SCMH1: variants seen among roughly 807,000 people sequenced by gnomAD.
SCMH1 encodes Scm polycomb group protein homolog 1.
In SCMH1, 37 loss-of-function variants were observed where a neutral mutation model predicts 70.8. The observed-to-expected ratio is 0.52, with a 90% CI of 0.40 to 0.69. The LOEUF (loss-of-function observed/expected upper bound fraction) is 0.69, where lower values mean the gene tolerates loss of function less well. Ranked by LOEUF, SCMH1 falls within the 30% of genes least tolerant of loss-of-function variation. The pLI is 0.00. For synonymous variants in SCMH1, 292 were observed against 307.4 expected (o/e 0.95, Z 0.52); for missense variants, 607 against 827.3 (o/e 0.73, Z 3.27).
exon 11 of SCMH1, chr1:41,048,745 G>T: frequency 1.2e-6 from 2 of 1,614,148 alleles, no homozygotes; most frequent in Non-Finnish European, 1.7e-6. Flanking sequence ...CGGTTTTCTG[G>T]TGATAAGCAC....
chr1:41,238,906 A>T (rs1430438393), intron 1 of SCMH1, among the ~76,000 whole-genome samples: 1 of 152,210 alleles, frequency 6.6e-6, no homozygotes, highest in Non-Finnish European at 1.5e-5. Context: ...TGTCTCAGTT[A>T]AAATTACCAA....
At chr1:41,089,579 C>T (rs1018476803) in intron 8 of SCMH1, among the ~76,000 whole-genome samples, 5 of 152,112 alleles carry the variant, frequency 3.3e-5, no homozygotes, top group African/African-American at 1.2e-4. Context: ...CTAATTTGAA[C>T]ACAGCTACCA....
At chr1:41,167,983 G>A (rs946950221) in intron 2 of SCMH1, among the ~76,000 whole-genome samples, 2 of 139,364 alleles carry the variant, frequency 1.4e-5, no homozygotes, top group Non-Finnish European at 3.0e-5. Flanking sequence ...TAAGGTTTCT[G>A]CTGTGAAATC....
chr1:41,087,847 G>A (rs188119628), intron 8 of SCMH1, among the ~76,000 whole-genome samples: 288 of 151,328 alleles, frequency 1.9e-3, no homozygotes, highest in African/African-American at 6.6e-3. Context: ...AAATACATGT[G>A]TACAAGTTTA....
intron 8 of SCMH1, among the ~76,000 whole-genome samples, chr1:41,083,546 C>A (rs1412197060): frequency 6.6e-6 from 1 of 152,186 alleles, no homozygotes; most frequent in African/African-American, 2.4e-5. Flanking sequence ...AATGGCCATA[C>A]TGCCCAAGGT....
intron 2 of SCMH1, among the ~76,000 whole-genome samples, chr1:41,174,724 C>T (rs1647000951): frequency 6.6e-6 from 1 of 152,168 alleles, no homozygotes; most frequent in Admixed American, 6.6e-5. Flanking sequence ...TGTGTATATA[C>T]ACACATATTA....
intron 1 of SCMH1, among the ~76,000 whole-genome samples, chr1:41,193,657 G>A (rs996888312): frequency 2.6e-5 from 4 of 152,138 alleles, no homozygotes; most frequent in African/African-American, 9.7e-5. Context: ...GGGACAATGT[G>A]TTTGGACAAT....
chr1:41,176,489 T>A (rs1647152255), intron 2 of SCMH1, among the ~76,000 whole-genome samples: 1 of 152,152 alleles, frequency 6.6e-6, no homozygotes, highest in Admixed American at 6.5e-5. Context: ...GTCAGGGAAT[T>A]CCCTTTCCTA....
chr1:41,117,435 T>C (rs1178292609), intron 6 of SCMH1, among the ~76,000 whole-genome samples: 1 of 152,100 alleles, frequency 6.6e-6, no homozygotes, highest in South Asian at 2.1e-4. Context: ...AAGCGGACCG[T>C]GGTCTAGTGG....
intron 8 of SCMH1, among the ~76,000 whole-genome samples, chr1:41,112,832 T>C (rs1359258031): frequency 6.6e-6 from 1 of 152,176 alleles, no homozygotes; most frequent in Non-Finnish European, 1.5e-5. Flanking sequence ...CTCAAACCCA[T>C]GTCTATCTTA....
intron 4 of SCMH1, chr1:41,159,597 T>G: frequency 9.6e-7 from 1 of 1,041,542 alleles, no homozygotes; most frequent in Non-Finnish European, 1.3e-6. Flanking sequence ...ATTTGAACCT[T>G]GGTTCAAATT....
intron 2 of SCMH1, among the ~76,000 whole-genome samples, chr1:41,180,805 A>T (rs984836496): frequency 1.3e-5 from 2 of 152,144 alleles, no homozygotes; most frequent in African/African-American, 2.4e-5. Flanking sequence ...GCCATCCCCA[A>T]CAAGCTACCA....
intron 1 of SCMH1, among the ~76,000 whole-genome samples, chr1:41,194,525 C>T (rs769187477): frequency 6.6e-6 from 1 of 152,198 alleles, no homozygotes; most frequent in Non-Finnish European, 1.5e-5. Context: ...TTCTCAAGGG[C>T]AGCAATTTGG....
At chr1:41,078,621 A>T (rs1358532865) in intron 8 of SCMH1, among the ~76,000 whole-genome samples, 4 of 152,136 alleles carry the variant, frequency 2.6e-5, no homozygotes, top group African/African-American at 9.6e-5. Flanking sequence ...AAGCAAGAAG[A>T]AGTAGAATAG....
chr1:41,058,383 T>TTTTTTG lies in SCMH1; in HGVS notation c.1106-9494_1106-9493insCAAAAA, dbSNP rs1409696186. ...ATTTATACATTTTCTTTCTTGTTTTTTTTTTTTTTTTTTTTTTGAGACAGT... is the reference window on the plus strand; with the variant it reads ...ATTTATACATTTTCTTTCTTGTTTTTTTTTTGTTTTTTTTTTTTTTTTTGAGACAGT... On this transcript the variant is annotated intron_variant, in intron 10 of 14. Coordinates refer to ENST00000337495, the Ensembl canonical transcript of SCMH1. 6.6e-4 allele frequency among the ~76,000 whole-genome samples: 70 copies of TTTTTTG among 105,350 alleles called. 4 individuals are homozygous for TTTTTTG. The highest frequency in any genetic ancestry group is 2.5e-3 in the African/African-American group (68 of 27,238). 69.1% of individuals were successfully genotyped at this position (105,350 alleles called of 152,430 possible).
At chr1:41,070,798 C>T (rs1184910029) in intron 9 of SCMH1, 77 bp from the exon 10 acceptor site, 4 of 1,530,998 alleles carry the variant, frequency 2.6e-6, no homozygotes, top group South Asian at 1.2e-5. Flanking sequence ...TTAATTCACT[C>T]ATGAAGCAAA....
At chr1:41,051,176 A>G (rs1406496209) in intron 10 of SCMH1, among the ~76,000 whole-genome samples, 2 of 152,178 alleles carry the variant, frequency 1.3e-5, no homozygotes, top group African/African-American at 4.8e-5. Flanking sequence ...GAGCTGAAAA[A>G]TTCCTATCAC....
intron 9 of SCMH1, among the ~76,000 whole-genome samples, chr1:41,071,806 G>C (rs1199885720): frequency 6.6e-6 from 1 of 152,080 alleles, no homozygotes; most frequent in Non-Finnish European, 1.5e-5. Flanking sequence ...GGGACTACAG[G>C]TGTGTGCCAG....
At chr1:41,135,628 T>C (rs781003535) in intron 6 of SCMH1, among the ~76,000 whole-genome samples, 3 of 152,218 alleles carry the variant, frequency 2.0e-5, no homozygotes, top group Non-Finnish European at 2.9e-5. Context: ...CTCTGTTATG[T>C]CCTTATAGCA....
Sources: gnomAD v4.1 joint callset for allele counts (sites outside exome capture counted in the v4.1 genomes callset) on GRCh38, gnomAD v4.1.1 for gene constraint, MANE v1.5 for transcripts, NCBI Gene and HGNC (gene_info 2026-07-23, HGNC 2026-07-21) for gene names.